Variants in HSPA12A observed in about 807,000 individuals in gnomAD.
HSPA12A encodes heat shock protein family A (Hsp70) member 12A.
In HSPA12A, 28 loss-of-function variants were observed where a neutral mutation model predicts 69.2. The ratio of observed to expected loss-of-function variants is 0.40; its 90% CI spans 0.30 to 0.55. The LOEUF is 0.55. HSPA12A is among the 20% of genes least tolerant of loss of function. The pLI is 0.38. For missense variants in HSPA12A, 686 were observed against 900.7 expected, an observed-to-expected ratio of 0.76 and a Z score of 3.05; for synonymous variants, 345 against 370.5, an observed-to-expected ratio of 0.93 and a Z score of 0.79.
intron 2 of HSPA12A, among the ~76,000 whole-genome samples, chr10:116,782,392 C>T (rs1161125747): frequency 2.0e-5 from 3 of 152,158 alleles, no homozygotes; most frequent in Non-Finnish European, 2.9e-5. Flanking sequence ...CCCAAGCCTG[C>T]GTATATGACA....
intron 2 of HSPA12A, among the ~76,000 whole-genome samples, chr10:116,827,809 A>G (rs1378587826): frequency 6.6e-6 from 1 of 152,134 alleles, no homozygotes. Context: ...AGGTAAACAG[A>G]TTCCTGGATA....
chr10:116,839,881 G>A (rs1326433263), intron 1 of HSPA12A, among the ~76,000 whole-genome samples: 1 of 151,626 alleles, frequency 6.6e-6, no homozygotes, highest in Non-Finnish European at 1.5e-5. Context: ...ACCAGCCAGG[G>A]TCTAGTTTTG....
chr10:116,757,617 C>T (rs1429327390), intron 2 of HSPA12A, among the ~76,000 whole-genome samples: 3 of 152,314 alleles, frequency 2.0e-5, no homozygotes, highest in Non-Finnish European at 4.4e-5. Context: ...AGAGAGGCAG[C>T]GGAGGTCAGG....
rs575622590 is a variant in HSPA12A at position 116,672,194 on chromosome 10, T to G, written c.*2587A>C. 1 of 152,388 alleles carries G rather than the reference T, an allele frequency of 6.6e-6. No individual in the cohort carries two copies. Among genetic ancestry groups the G allele is most frequent in the Non-Finnish European group, 1.5e-5 (1 of 68,060 alleles). 9.4% of individuals were successfully genotyped at this position (152,388 alleles called of 1,614,324 possible). On this transcript the variant is annotated 3_prime_UTR_variant, in exon 12 of 12. Transcript: ENST00000369209. ...GCTTATGTACCACTTGGTTTCTTTCTTTGACCCTAGCATCCTGAAAACATC... is the reference window on the plus strand; with the variant it reads ...GCTTATGTACCACTTGGTTTCTTTCGTTGACCCTAGCATCCTGAAAACATC...
intron 1 of HSPA12A, among the ~76,000 whole-genome samples, chr10:116,731,195 T>C (rs1397387706): frequency 1.6e-4 from 24 of 152,242 alleles, no homozygotes; most frequent in Admixed American, 1.4e-3. Context: ...GTGCCTTGGC[T>C]CTTGGCAGAA....
At position 116,679,651 on chromosome 10, in the gene HSPA12A, C is replaced by G; in HGVS notation, c.1138G>C (p.Val380Leu). 1 of 1,614,250 alleles carries G rather than the reference C, an allele frequency of 6.2e-7. No homozygotes were observed. The highest frequency in any genetic ancestry group is 8.5e-7 in the Non-Finnish European group (1 of 1,180,050). The change falls in exon 10 of 12, where the codon GTT (valine) becomes CTT (leucine). Residue 380 changes from valine (V) to leucine (L), a missense_variant. By Grantham distance (32) the Val-to-Leu change is conservative. Coordinates refer to ENST00000369209, the MANE Select transcript of HSPA12A (RefSeq NM_025015.3). ...GACTCAAACGCAATCATTAAGTCAA[C>G]CCAGGCTGCAGGGCGTTTGATTTTG... ...QFKIKRPAAW[V>L]DLMIAFESRK... is the part of the protein sequence containing the mutation.
intron 1 of HSPA12A, among the ~76,000 whole-genome samples, chr10:116,739,958 C>T (rs1436045459): frequency 2.0e-5 from 3 of 152,182 alleles, no homozygotes; most frequent in East Asian, 3.9e-4. Context: ...ACACCACCTA[C>T]CCACCAGCAA....
chr10:116,731,121 C>T (rs1554885673), intron 1 of HSPA12A, among the ~76,000 whole-genome samples: 1 of 152,226 alleles, frequency 6.6e-6, no homozygotes, highest in Admixed American at 6.5e-5. Context: ...CCTGGAGGGC[C>T]CCGGAGTTGG....
chr10:116,687,483 G>A (rs1589628678), intron 6 of HSPA12A, among the ~76,000 whole-genome samples: 1 of 152,154 alleles, frequency 6.6e-6, no homozygotes, highest in African/African-American at 2.4e-5. Flanking sequence ...GGTGAGAAGA[G>A]GCAGCGGACT....
intron 1 of HSPA12A, among the ~76,000 whole-genome samples, chr10:116,726,027 G>GCACGCACACACACA (rs1554884973): frequency 6.8e-6 from 1 of 146,114 alleles, no homozygotes; most frequent in Non-Finnish European, 1.5e-5. Context: ...ACACACACAC[G>GCACGCACACACACA]CACACACACA....
chr10:116,715,118 G>T (rs1349543054), intron 1 of HSPA12A, among the ~76,000 whole-genome samples: 1 of 152,166 alleles, frequency 6.6e-6, no homozygotes, highest in Non-Finnish European at 1.5e-5. Context: ...TGGACTAGAA[G>T]GTCTCAGCTC....
intron 2 of HSPA12A, among the ~76,000 whole-genome samples, chr10:116,821,725 T>C (rs759515158): frequency 3.3e-5 from 5 of 152,172 alleles, no homozygotes; most frequent in Admixed American, 6.5e-5. Context: ...TCACTTGCCA[T>C]CCTGACTGCA....
At chr10:116,679,234 A>G (rs1265822945) in intron 10 of HSPA12A, among the ~76,000 whole-genome samples, 2 of 152,382 alleles carry the variant, frequency 1.3e-5, no homozygotes, top group South Asian at 4.1e-4. Flanking sequence ...AAACACATAG[A>G]TAATACTTGC....
chr10:116,753,693 C>A (rs1475309828), intron 2 of HSPA12A, among the ~76,000 whole-genome samples: 1 of 152,202 alleles, frequency 6.6e-6, no homozygotes, highest in East Asian at 1.9e-4. Context: ...TCCTGTAGGG[C>A]AAACCCCTGC....
intron 1 of HSPA12A, among the ~76,000 whole-genome samples, chr10:116,732,292 T>C (rs1427993365): frequency 6.1e-5 from 7 of 114,438 alleles, no homozygotes; most frequent in Admixed American, 2.8e-4. Flanking sequence ...ATCACCCTAC[T>C]GCACTCCAGC....
chr10:116,841,830 T>C (rs1845806642), intron 1 of HSPA12A, among the ~76,000 whole-genome samples: 1 of 151,946 alleles, frequency 6.6e-6, no homozygotes, highest in Non-Finnish European at 1.5e-5. Context: ...TAAAACTTCT[T>C]AGGACAAAAT....
intron 3 of HSPA12A, among the ~76,000 whole-genome samples, chr10:116,704,527 G>A (rs1429757326): frequency 6.6e-6 from 1 of 152,078 alleles, no homozygotes; most frequent in South Asian, 2.1e-4. Flanking sequence ...GAGTTAATGG[G>A]TGCAGCACAC....
intron 1 of HSPA12A, among the ~76,000 whole-genome samples, chr10:116,736,293 C>T (rs546523222): frequency 3.5e-4 from 53 of 152,210 alleles, no homozygotes; most frequent in Non-Finnish European, 6.3e-4. Context: ...GAGGGCAACC[C>T]GCAGCAGGTG....
At chr10:116,773,304 G>A (rs1844255789) in intron 2 of HSPA12A, among the ~76,000 whole-genome samples, 1 of 149,968 alleles carries the variant, frequency 6.7e-6, no homozygotes, top group African/African-American at 2.5e-5. Context: ...AGCAGTACAT[G>A]GTAGCACAGA....
Sources: allele counts gnomAD v4.1 joint callset (sites outside exome capture counted in the v4.1 genomes callset), GRCh38; gene constraint gnomAD v4.1.1; transcripts MANE v1.5; gene names NCBI Gene and HGNC (gene_info 2026-07-23, HGNC 2026-07-21).